TRAK1: variants seen among roughly 807,000 people sequenced by gnomAD.
TRAK1 encodes trafficking kinesin-binding protein 1.
A neutral mutation model predicts 92.1 loss-of-function variants in TRAK1; 33 were observed. The ratio of observed to expected loss-of-function variants is 0.36; its 90% CI spans 0.27 to 0.48. The LOEUF (loss-of-function observed/expected upper bound fraction) is 0.48. TRAK1 is among the 20% of genes least tolerant of loss of function. The pLI is 0.99. For missense variants in TRAK1, 1,123 were observed against 1,257.9 expected (o/e 0.89, Z 1.62); for synonymous variants, 521 against 517.3 (o/e 1.01, Z -0.10).
At chr3:42,090,673 ACT>A (rs773023483), upstream of TRAK1, among the ~76,000 whole-genome samples, 3 of 152,160 alleles carry the variant, frequency 2.0e-5, no homozygotes, top group Non-Finnish European at 4.4e-5. Flanking sequence ...ACAGAGTGAG[ACT>A]CTCTCAAAAA....
chr3:42,223,810 C>T lies in TRAK1; in HGVS notation c.*73C>T. 6.7e-7 allele frequency: 1 copy of T among 1,491,842 alleles called. No homozygotes were observed. Among genetic ancestry groups the T allele is most frequent in the Non-Finnish European group, 9.1e-7 (1 of 1,095,000 alleles). 92.4% of individuals were successfully genotyped at this position (1,491,842 alleles called of 1,614,324 possible). A position where few individuals can be genotyped will look rare whatever the true frequency, so the allele number is the denominator to read the frequency against. On this transcript the variant is annotated 3_prime_UTR_variant, in exon 16 of 16. Transcript: ENST00000327628. This position sits in a 1 kb window ranked among gnomAD's most constrained non-coding sequence, Gnocchi z 6.1. ...TCTTGCTCCCACCTCCCTCTCTTCC[C>T]CCCACAGTGCACTCCCTCCCTCTGC...
At chr3:42,073,838 G>A (rs1306697745) in intron 1 of TRAK1, among the ~76,000 whole-genome samples, 1 of 152,172 alleles carries the variant, frequency 6.6e-6, no homozygotes, top group African/African-American at 2.4e-5. Flanking sequence ...ATGAAAGACG[G>A]GAGGAACAGA....
At chr3:42,156,243 T>G (rs1344345225) in intron 2 of TRAK1, among the ~76,000 whole-genome samples, 1 of 152,216 alleles carries the variant, frequency 6.6e-6, no homozygotes, top group Non-Finnish European at 1.5e-5. Context: ...GAAGATGCCC[T>G]TTGGCCCATC....
chr3:42,136,129 G>A (rs1056039804), intron 2 of TRAK1, among the ~76,000 whole-genome samples: 13 of 152,044 alleles, frequency 8.6e-5, no homozygotes, highest in African/African-American at 3.1e-4. Flanking sequence ...GTGTACTTTG[G>A]TTTACTTTTT....
rs560241370 is a variant in TRAK1 at position 42,058,820 on chromosome 3, A to G, written c.-518-28284A>G. On this transcript the variant is annotated intron_variant, in intron 1 of 16. Transcript: ENST00000487159. The stretch of plus-strand genomic sequence containing the variant: ...CGCCATTGCTTTATGTACCTCTAAG[A>G]AAGCAAAAAATGCTACAAAGTAAGC... Among the ~76,000 whole-genome samples the G allele has an allele frequency of 5.3e-5, 8 of 152,324 alleles. No homozygotes were observed. In the East Asian group the frequency reaches 1.5e-3, roughly 29 times the overall value.
At chr3:42,100,422 A>T (rs955155787) in intron 1 of TRAK1, among the ~76,000 whole-genome samples, 1 of 152,200 alleles carries the variant, frequency 6.6e-6, no homozygotes, top group Non-Finnish European at 1.5e-5. Context: ...TGTGTAGAAG[A>T]AAAGAAATCT....
rs567217049 is a variant in TRAK1, at chr3:42,223,628, G to A, written c.2753G>A (p.Arg918His). 3.5e-5 allele frequency: 56 copies of A among 1,613,940 alleles called. No individual in the cohort carries two copies. The highest frequency in any genetic ancestry group is 2.5e-4 in the Admixed American group (15 of 60,006). The change falls in exon 16 of 16, where the codon CGC becomes CAC. Residue 918 changes from arginine (R) to histidine (H), a missense_variant. Coordinates refer to ENST00000327628, the MANE Select transcript of TRAK1 (RefSeq NM_001042646.3). This position sits in a 1 kb window ranked among gnomAD's most constrained non-coding sequence, Gnocchi z 6.1. ...CTCAATAGTGGCATCCGGCGGAATC[G>A]CAGCTTCCCCACCATGGTGGGATCT... ...LQLNSGIRRNRSFPTMVGSSM... is the reference protein window; with the variant it reads ...LQLNSGIRRNHSFPTMVGSSM...
At chr3:42,161,213 C>A (rs1483871209) in intron 2 of TRAK1, among the ~76,000 whole-genome samples, 2 of 152,170 alleles carry the variant, frequency 1.3e-5, no homozygotes, top group Admixed American at 6.5e-5. Context: ...TCTAGTTGGC[C>A]TTCCAGGGCT....
chr3:42,216,077 C>T (rs749517316), intron 14 of TRAK1, among the ~76,000 whole-genome samples: 5 of 152,144 alleles, frequency 3.3e-5, no homozygotes, highest in Admixed American at 2.6e-4. Context: ...GTATTATGGG[C>T]GGCCAGACGG....
At position 42,169,064 on chromosome 3, in the gene TRAK1, T is replaced by C. The variant is rs1576756792; in HGVS notation, c.287-7750T>C. Among the ~76,000 whole-genome samples the C allele has an allele frequency of 2.0e-5, 3 of 152,294 alleles. No individual in the cohort carries two copies. The Middle Eastern group carries it at 0.01, about 518-fold the overall frequency. ...GTCTTGAACTCCTGACGTCAGGTGATCTACCCGCCTTGGCCTCCCAAAGTG... is the reference window on the plus strand; with the variant it reads ...GTCTTGAACTCCTGACGTCAGGTGACCTACCCGCCTTGGCCTCCCAAAGTG... On this transcript the variant is annotated intron_variant, in intron 2 of 15. Transcript: ENST00000327628.
At chr3:42,121,167 TAAC>T (rs1403334593) in intron 1 of TRAK1, among the ~76,000 whole-genome samples, 8 of 152,160 alleles carry the variant, frequency 5.3e-5, no homozygotes, top group African/African-American at 1.9e-4. Flanking sequence ...TGATCTGTAA[TAAC>T]AGGCAAATCT....
intron 3 of TRAK1, among the ~76,000 whole-genome samples, chr3:42,179,119 GTTTTAT>G (rs1703640683): frequency 6.6e-6 from 1 of 152,182 alleles, no homozygotes; most frequent in African/African-American, 2.4e-5. Context: ...TACCCAGCCT[GTTTTAT>G]TTTTAAAGGG....
intron 4 of TRAK1, among the ~76,000 whole-genome samples, chr3:42,186,437 G>A (rs1284611754): frequency 2.0e-5 from 3 of 152,108 alleles, no homozygotes; most frequent in African/African-American, 7.2e-5. Context: ...AAGCATAGTC[G>A]CCACTATGTA....
chr3:42,210,791 C>T (rs774176785), intron 14 of TRAK1: 4 of 985,456 alleles, frequency 4.1e-6, no homozygotes, highest in Non-Finnish European at 4.8e-6. Context: ...CGTCACTAAG[C>T]TTTTCCAGAG....
At position 42,202,865 on chromosome 3, in the gene TRAK1, C is replaced by A. The variant is rs768671921; in HGVS notation, c.1744+113C>A. On this transcript the variant is annotated intron_variant, in intron 13 of 15. Transcript: ENST00000327628. The surrounding 1 kb of genome is among the most constrained non-coding windows in gnomAD (Gnocchi z 6.1). ...GTCACGCCTACTCCTTTTTCTTCCG[C>A]GACAGCCACCCGCGCTGCTGGTTTG... is the stretch of plus-strand genomic sequence containing the variant. The A allele has an allele frequency of 8.0e-6, 12 of 1,492,646 alleles. No homozygotes were observed. The highest frequency in any genetic ancestry group is 1.3e-5 in the South Asian group (1 of 77,398). The allele number at this position is 1,492,646 out of a possible 1,614,324, so 92.5% of individuals were successfully genotyped here.
chr3:42,201,005 G>T lies in TRAK1; in HGVS notation c.1378G>T (p.Asp460Tyr), dbSNP rs772347225. The T allele has an allele frequency of 3.1e-6, 5 of 1,614,026 alleles. No homozygotes were observed. The African/African-American group carries it at 5.3e-5, about 17-fold the overall frequency. ...YGSDIGNVVL[D>Y]NKTNSIILET... ...CAGCGACATAGGCAACGTCGTCCTCGACAACAAGACCAACAGCATCATTCT... is the reference window on the plus strand; with the variant it reads ...CAGCGACATAGGCAACGTCGTCCTCTACAACAAGACCAACAGCATCATTCT... Residue 460 changes from aspartate (D) to tyrosine (Y), a missense_variant, in exon 12 of 16, where the codon GAC becomes TAC. By Grantham distance (160) the Asp-to-Tyr change is radical. Around this residue, in one of 3 missense-constraint regions of TRAK1, gnomAD observed 686 missense variants for 747.6 expected, o/e 0.92. Transcript: ENST00000327628.
At chr3:42,103,388 T>G (rs1049190864) in intron 1 of TRAK1, among the ~76,000 whole-genome samples, 41 of 152,158 alleles carry the variant, frequency 2.7e-4, no homozygotes, top group Non-Finnish European at 5.6e-4. Flanking sequence ...TTGGCCAGGC[T>G]GGTCTCAAAC....
At chr3:42,203,252 T>C in intron 13 of TRAK1, 1 of 1,031,154 alleles carries the variant, frequency 9.7e-7, no homozygotes, top group Non-Finnish European at 1.2e-6. Flanking sequence ...TTATGTGTTC[T>C]GATTTGAACT....
At chr3:42,219,059 G>A (rs1710043402) in intron 14 of TRAK1, 1 of 985,416 alleles carries the variant, frequency 1.0e-6, no homozygotes, top group Non-Finnish European at 1.2e-6. Context: ...CTCCCTGCCT[G>A]TACTTCTCCC....
Sources: allele counts gnomAD v4.1 joint callset (sites outside exome capture counted in the v4.1 genomes callset), GRCh38; gene constraint gnomAD v4.1.1; regional missense constraint gnomAD v4.1.1; non-coding constraint Gnocchi (gnomAD v3.1); transcripts MANE v1.5; gene names NCBI Gene and HGNC (gene_info 2026-07-23, HGNC 2026-07-21).